Variants in GNA14 observed in about 807,000 individuals in gnomAD.
GNA14 encodes guanine nucleotide-binding protein subunit alpha-14.
GNA14 carries 50 observed loss-of-function variants against 42.0 expected under a neutral mutation model. That is an observed-to-expected ratio of 1.19 (90% CI 0.95 to 1.51). The LOEUF (loss-of-function observed/expected upper bound fraction) is 1.51. GNA14 is among the 40% of genes most tolerant of loss of function. The probability of loss-of-function intolerance (pLI) is 0.00; values close to 1 mark genes in which losing one functional copy is unlikely to be tolerated. For synonymous variants in GNA14, 173 were observed against 163.1 expected (o/e 1.06, Z -0.46); for missense variants, 473 against 446.2 (o/e 1.06, Z -0.54).
chr9:77,549,347 T>C (rs910256404), intron 1 of GNA14, among the ~76,000 whole-genome samples: 2 of 152,216 alleles, frequency 1.3e-5, no homozygotes, highest in Non-Finnish European at 2.9e-5. Context: ...ACGGTACCTG[T>C]TGGAGCTCTG....
chr9:77,584,606 G>C (rs1205120866), intron 1 of GNA14, among the ~76,000 whole-genome samples: 1 of 152,010 alleles, frequency 6.6e-6, no homozygotes, highest in Non-Finnish European at 1.5e-5. Flanking sequence ...GCAGGGAGGT[G>C]TTACAGGAAA....
At chr9:77,569,551 C>T (rs1435646071) in intron 1 of GNA14, among the ~76,000 whole-genome samples, 4 of 152,106 alleles carry the variant, frequency 2.6e-5, no homozygotes, top group African/African-American at 9.7e-5. Flanking sequence ...AGGGAGACAA[C>T]TCCACAGGAG....
At chr9:77,491,350 A>G (rs1418054001) in intron 2 of GNA14, among the ~76,000 whole-genome samples, 1 of 152,238 alleles carries the variant, frequency 6.6e-6, no homozygotes, top group Admixed American at 6.5e-5. Context: ...AAGTTCTCCA[A>G]TTAAAAGGCA....
intron 1 of GNA14, among the ~76,000 whole-genome samples, chr9:77,568,342 A>G (rs558240754): frequency 8.0e-4 from 121 of 152,048 alleles, no homozygotes; most frequent in South Asian, 1.7e-3. Flanking sequence ...AAAATACAAA[A>G]TTAGCCAGGG....
At chr9:77,567,879 A>G (rs1822992635) in intron 1 of GNA14, among the ~76,000 whole-genome samples, 2 of 152,292 alleles carry the variant, frequency 1.3e-5, no homozygotes, top group African/African-American at 4.8e-5. Flanking sequence ...AAACAAAAAA[A>G]CAAGTATTCC....
chr9:77,439,065 T>C lies in GNA14; in HGVS notation c.310-4543A>G, dbSNP rs79372340. Among the ~76,000 whole-genome samples the C allele has an allele frequency of 1.7e-3, 253 of 152,288 alleles. 2 individuals are homozygous for C. The highest frequency in any genetic ancestry group is 5.9e-3 in the African/African-American group (246 of 41,562). On this transcript the variant is annotated intron_variant, in intron 2 of 6. Coordinates refer to ENST00000341700, the MANE Select transcript of GNA14 (RefSeq NM_004297.4). ...GTGATTATATTCCTTTAGTCTCCAT[T>C]TATCTGGAAAAGTTCTTGGTCAGAG...
intron 2 of GNA14, among the ~76,000 whole-genome samples, chr9:77,491,641 A>G (rs1836777372): frequency 6.6e-6 from 1 of 152,218 alleles, no homozygotes; most frequent in Non-Finnish European, 1.5e-5. Flanking sequence ...TCCATCCAAC[A>G]TTGGAACTCC....
At chr9:77,534,853 T>C (rs1313478615) in intron 1 of GNA14, among the ~76,000 whole-genome samples, 9 of 152,176 alleles carry the variant, frequency 5.9e-5, no homozygotes, top group Non-Finnish European at 1.0e-4. Flanking sequence ...TTATTGGCTG[T>C]AGACAGTCAG....
At position 77,432,460 on chromosome 9, in the gene GNA14, T is replaced by C. The variant is rs72730858; in HGVS notation, c.465-1011A>G. On this transcript the variant is annotated intron_variant, in intron 3 of 6. Coordinates refer to ENST00000341700, the MANE Select transcript of GNA14 (RefSeq NM_004297.4). Reference sequence around the variant, plus strand: ...ACACCTGAGTTGCTCCACCAGACTGTATATTCCCTGAGAGCAGAGAGCACT... The same window carrying C: ...ACACCTGAGTTGCTCCACCAGACTGCATATTCCCTGAGAGCAGAGAGCACT... Among the ~76,000 whole-genome samples the C allele has an allele frequency of 8.5e-3, 1,299 of 152,310 alleles. 6 individuals carry two copies. The highest frequency in any genetic ancestry group is 0.014 in the Non-Finnish European group (978 of 68,036).
chr9:77,517,779 A>T (rs930473472), intron 2 of GNA14, among the ~76,000 whole-genome samples: 1 of 150,414 alleles, frequency 6.6e-6, no homozygotes, highest in Admixed American at 6.6e-5. Context: ...TAATTTTTAT[A>T]TTTTTTGTAG....
intron 2 of GNA14, among the ~76,000 whole-genome samples, chr9:77,484,593 G>A (rs1836623504): frequency 6.6e-6 from 1 of 152,130 alleles, no homozygotes; most frequent in African/African-American, 2.4e-5. Context: ...TGAGGCAGGG[G>A]ACTGCTCTTT....
At chr9:77,534,075 C>A (rs1027547115) in intron 1 of GNA14, among the ~76,000 whole-genome samples, 1 of 152,144 alleles carries the variant, frequency 6.6e-6, no homozygotes, top group Non-Finnish European at 1.5e-5. Flanking sequence ...AATGAAAAAA[C>A]CTGTCACAAG....
chr9:77,600,419 C>T (rs1322138039), intron 1 of GNA14, among the ~76,000 whole-genome samples: 1 of 152,162 alleles, frequency 6.6e-6, no homozygotes, highest in Admixed American at 6.5e-5. Flanking sequence ...TTAACTGCTA[C>T]CTGGCGTACA....
chr9:77,583,092 GT>G (rs1823251659), intron 1 of GNA14, among the ~76,000 whole-genome samples: 2 of 152,330 alleles, frequency 1.3e-5, no homozygotes, highest in South Asian at 4.1e-4. Context: ...GCACTCACTG[GT>G]GCAAAGCTCA....
chr9:77,481,241 G>A (rs1190412276), intron 2 of GNA14, among the ~76,000 whole-genome samples: 9 of 152,042 alleles, frequency 5.9e-5, no homozygotes, highest in South Asian at 2.1e-4. Context: ...AGATTCTGGT[G>A]TGTTGTGTCT....
At chr9:77,631,270 C>G (rs903929832) in intron 1 of GNA14, among the ~76,000 whole-genome samples, 6 of 152,078 alleles carry the variant, frequency 3.9e-5, no homozygotes, top group African/African-American at 1.4e-4. Flanking sequence ...CTTTCCTTTT[C>G]AGGTCATCAC....
Position 77,589,652 on chromosome 9 carries a change from C to T in GNA14, c.124+58018G>A, listed in dbSNP as rs139048697. On this transcript the variant is annotated intron_variant, in intron 1 of 6. Coordinates refer to ENST00000341700, the MANE Select transcript of GNA14 (RefSeq NM_004297.4). ...TTTTTCCTCCACCCTCGGGCTATGG[C>T]CTGTAGTCAGTACACAGTGGGTAAA... 5.1e-3 allele frequency among the ~76,000 whole-genome samples: 781 copies of T among 152,244 alleles called. 3 individuals carry two copies. Among genetic ancestry groups the T allele is most frequent in the Non-Finnish European group, 9.0e-3 (611 of 68,028 alleles).
At chr9:77,629,735 A>T (rs1824066178) in intron 1 of GNA14, among the ~76,000 whole-genome samples, 1 of 152,152 alleles carries the variant, frequency 6.6e-6, no homozygotes, top group Non-Finnish European at 1.5e-5. Flanking sequence ...GTCAGGGGGT[A>T]GGGAGCTAAG....
intron 1 of GNA14, among the ~76,000 whole-genome samples, chr9:77,596,301 A>G (rs1823466643): frequency 6.6e-6 from 1 of 152,190 alleles, no homozygotes; most frequent in Admixed American, 6.5e-5. Flanking sequence ...TGAGCTGATT[A>G]TAACAACTTT....
Sources: allele counts gnomAD v4.1 joint callset (sites outside exome capture counted in the v4.1 genomes callset), GRCh38; gene constraint gnomAD v4.1.1; transcripts MANE v1.5; gene names NCBI Gene and HGNC (gene_info 2026-07-23, HGNC 2026-07-21).